KAT6B: variants seen among roughly 807,000 people sequenced by gnomAD.
KAT6B encodes lysine acetyltransferase 6B.
Under a neutral mutation model 187.5 loss-of-function variants are expected in KAT6B, and 10 were observed. That is an observed-to-expected ratio of 0.05 (90% CI 0.03 to 0.09). KAT6B has a LOEUF of 0.09. KAT6B is among the 10% of genes least tolerant of loss of function. The probability of loss-of-function intolerance (pLI) is 1.00; values close to 1 mark genes in which losing one functional copy is unlikely to be tolerated. For missense variants in KAT6B, 1,952 were observed against 2,558.9 expected (o/e 0.76, Z 5.12); for synonymous variants, 861 against 926.8 (o/e 0.93, Z 1.29).
chr10:74,846,211 A>G (rs1797779406), intron 3 of KAT6B, among the ~76,000 whole-genome samples: 4 of 151,786 alleles, frequency 2.6e-5, no homozygotes, highest in Admixed American at 2.6e-4. Context: ...CTTCTGCCAC[A>G]TTTATTTGAT....
chr10:75,024,419 G>A (rs1042839498), intron 16 of KAT6B, among the ~76,000 whole-genome samples: 1 of 152,038 alleles, frequency 6.6e-6, no homozygotes, highest in African/African-American at 2.4e-5. Context: ...CTTTCTTCAG[G>A]TACCTTTCCT....
chr10:74,981,196 A>G (rs1842482307), intron 10 of KAT6B, among the ~76,000 whole-genome samples: 1 of 152,202 alleles, frequency 6.6e-6, no homozygotes, highest in South Asian at 2.1e-4. Flanking sequence ...AAGGAAACAA[A>G]TTATTTGTTC....
chr10:74,882,835 T>A (rs555841262), intron 3 of KAT6B, among the ~76,000 whole-genome samples: 168 of 152,340 alleles, frequency 1.1e-3, no homozygotes, highest in African/African-American at 3.5e-3. Flanking sequence ...TTTCTGAGGG[T>A]TGATGTGTTC....
intron 3 of KAT6B, among the ~76,000 whole-genome samples, chr10:74,878,588 C>A (rs1844602029): frequency 6.8e-6 from 1 of 147,214 alleles, no homozygotes; most frequent in African/African-American, 2.6e-5. Context: ...CCGCTGCACT[C>A]CAGTCTGGGT....
At chr10:74,873,658 A>G (rs1400693843) in intron 3 of KAT6B, among the ~76,000 whole-genome samples, 1 of 152,076 alleles carries the variant, frequency 6.6e-6, no homozygotes, top group Non-Finnish European at 1.5e-5. Context: ...TGAAGAACAT[A>G]TTTAACAGAA....
chr10:74,946,098 G>T (rs1839935537), intron 3 of KAT6B, among the ~76,000 whole-genome samples: 1 of 152,126 alleles, frequency 6.6e-6, no homozygotes, highest in Non-Finnish European at 1.5e-5. Context: ...TTTAAATAAT[G>T]AATCATTTTC....
At chr10:74,859,232 T>C (rs1304244066) in intron 3 of KAT6B, among the ~76,000 whole-genome samples, 7 of 151,932 alleles carry the variant, frequency 4.6e-5, no homozygotes, top group Non-Finnish European at 7.4e-5. Flanking sequence ...AGGTGCCTGC[T>C]ACCATGCCCA....
At chr10:74,903,528 AG>A in intron 3 of KAT6B, among the ~76,000 whole-genome samples, 1 of 152,358 alleles carries the variant, frequency 6.6e-6, no homozygotes, top group Middle Eastern at 3.4e-3. Flanking sequence ...CAGCCAGCAA[AG>A]AAACAGGGAC....
intron 11 of KAT6B, chr10:74,982,345 T>A: frequency 9.4e-6 from 2 of 213,860 alleles, no homozygotes; most frequent in Non-Finnish European, 9.5e-6. Context: ...CAACCACCTG[T>A]GTTTCCATCC....
intron 3 of KAT6B, among the ~76,000 whole-genome samples, chr10:74,861,551 G>T (rs375645777): frequency 2.5e-4 from 38 of 152,292 alleles, no homozygotes; most frequent in African/African-American, 9.1e-4. Flanking sequence ...GAAAGGACTT[G>T]CCCAAGATTA....
At chr10:74,966,148 C>A (rs1165378145) in intron 4 of KAT6B, among the ~76,000 whole-genome samples, 1 of 152,226 alleles carries the variant, frequency 6.6e-6, no homozygotes, top group Non-Finnish European at 1.5e-5. Flanking sequence ...CCCCGGCTTG[C>A]AGCCCCCTCC....
chr10:74,947,995 C>A (rs780358857), intron 3 of KAT6B, among the ~76,000 whole-genome samples: 1 of 152,150 alleles, frequency 6.6e-6, no homozygotes, highest in African/African-American at 2.4e-5. Context: ...CAAAGGGGGT[C>A]TAAGAATGAG....
intron 7 of KAT6B, among the ~76,000 whole-genome samples, chr10:74,973,075 A>G (rs1841947965): frequency 6.6e-6 from 1 of 152,268 alleles, no homozygotes; most frequent in South Asian, 2.1e-4. Flanking sequence ...TTCTGATAGT[A>G]ATGTAGCATT....
intron 3 of KAT6B, among the ~76,000 whole-genome samples, chr10:74,950,406 C>T (rs1284941512): frequency 2.0e-5 from 3 of 152,200 alleles, no homozygotes; most frequent in Admixed American, 2.0e-4. Flanking sequence ...ACCACAGTTA[C>T]TGTTACTGCA....
chr10:74,944,767 C>T (rs1849984064), intron 3 of KAT6B, among the ~76,000 whole-genome samples: 1 of 139,750 alleles, frequency 7.2e-6, no homozygotes, highest in East Asian at 2.2e-4. Flanking sequence ...CGAGATCGCG[C>T]CACTGCACTC....
At chr10:74,929,359 C>T (rs770939902) in intron 3 of KAT6B, among the ~76,000 whole-genome samples, 1 of 152,158 alleles carries the variant, frequency 6.6e-6, no homozygotes, top group African/African-American at 2.4e-5. Context: ...CGTTTCTACC[C>T]TGTATTACAG....
chr10:74,924,978 C>T (rs1488855147), intron 3 of KAT6B, among the ~76,000 whole-genome samples: 1 of 152,016 alleles, frequency 6.6e-6, no homozygotes, highest in African/African-American at 2.4e-5. Flanking sequence ...AGGTCTGATA[C>T]TAGAATTTAT....
chr10:74,984,917 TG>T (rs1358546710), intron 11 of KAT6B, 162 bp from the exon 12 acceptor site: 1 of 665,560 alleles, frequency 1.5e-6, no homozygotes, highest in African/African-American at 1.8e-5. Context: ...CAGTGACAGC[TG>T]TTTTCTGGTT....
chr10:75,003,122 C>G (rs999418122), intron 13 of KAT6B: 2 of 152,194 alleles, frequency 1.3e-5, no homozygotes, highest in Non-Finnish European at 1.5e-5. Flanking sequence ...AATGCAGCCT[C>G]TATCTTAAGA....
Sources: allele counts gnomAD v4.1 joint callset (sites outside exome capture counted in the v4.1 genomes callset), GRCh38; gene constraint gnomAD v4.1.1; transcripts MANE v1.5; gene names NCBI Gene and HGNC (gene_info 2026-07-23, HGNC 2026-07-21).